PIK3CA: variants seen among roughly 807,000 people sequenced by gnomAD.
PIK3CA encodes the protein phosphatidylinositol-4,5-bisphosphate 3-kinase catalytic subunit alpha.
A neutral mutation model predicts 138.2 loss-of-function variants in PIK3CA; 27 were observed. That is an observed-to-expected ratio of 0.20 (90% CI 0.14 to 0.27). The LOEUF (loss-of-function observed/expected upper bound fraction) is 0.27, where lower values mean the gene tolerates loss of function less well. Among genes scored for constraint, PIK3CA ranks in the 10% least tolerant of loss-of-function variants. The pLI, the probability that PIK3CA is intolerant of heterozygous loss-of-function variation, is 1.00. For synonymous variants in PIK3CA, 358 were observed against 413.2 expected, an observed-to-expected ratio of 0.87 and a Z score of 1.62; for missense variants, 544 against 1,277.4, an observed-to-expected ratio of 0.43 and a Z score of 8.75.
At chr3:179,193,328 G>C (rs1408314526) in intron 1 of PIK3CA, among the ~76,000 whole-genome samples, 2 of 152,320 alleles carry the variant, frequency 1.3e-5, no homozygotes, top group East Asian at 3.9e-4. Context: ...CTTTTGGTCT[G>C]TTGGCCTTTA....
At position 179,234,605 on chromosome 3, in the gene PIK3CA, T is replaced by C; in HGVS notation, c.*241T>C. ...TAGAATAATGCGCAATTTCATGTTATGCCTTAAGTCCAAAAAGGTAAACTT... is the reference window on the plus strand; with the variant it reads ...TAGAATAATGCGCAATTTCATGTTACGCCTTAAGTCCAAAAAGGTAAACTT... On this transcript the variant is annotated 3_prime_UTR_variant, in exon 21 of 21. Coordinates refer to ENST00000263967, the MANE Select transcript of PIK3CA (RefSeq NM_006218.4). The surrounding 1 kb of genome is among the most constrained non-coding windows in gnomAD (Gnocchi z 5.1). The C allele has an allele frequency of 2.9e-6, 1 of 343,664 alleles. No individual in the cohort carries two copies. 21.3% of individuals were successfully genotyped at this position (343,664 alleles called of 1,614,324 possible). A position where few individuals can be genotyped will look rare whatever the true frequency, so the allele number is the denominator to read the frequency against.
intron 10 of PIK3CA, among the ~76,000 whole-genome samples, chr3:179,218,578 TG>T (rs1390416013): frequency 6.6e-6 from 1 of 152,070 alleles, no homozygotes; most frequent in Non-Finnish European, 1.5e-5. Context: ...ATTCCTGATA[TG>T]ACTTTCTTTA....
intron 1 of PIK3CA, among the ~76,000 whole-genome samples, chr3:179,153,761 GA>G (rs1723067036): frequency 6.6e-6 from 1 of 152,074 alleles, no homozygotes; most frequent in Admixed American, 6.5e-5. Context: ...AAGTTTATGT[GA>G]AAGTGAATTT....
intron 10 of PIK3CA, among the ~76,000 whole-genome samples, chr3:179,218,856 A>G (rs1724901934): frequency 1.3e-5 from 2 of 152,040 alleles, no homozygotes; most frequent in Admixed American, 1.3e-4. Context: ...TGGTGACTCT[A>G]TGATTCATTC....
intron 2 of PIK3CA, 75 bp downstream of exon 2, chr3:179,199,252 G>C: frequency 1.1e-6 from 1 of 948,972 alleles, no homozygotes; most frequent in Non-Finnish European, 1.6e-6. Flanking sequence ...AAATATTTCT[G>C]TCTAAACCAA....
intron 1 of PIK3CA, among the ~76,000 whole-genome samples, chr3:179,171,864 G>A (rs917753552): frequency 1.3e-5 from 2 of 151,956 alleles, no homozygotes; most frequent in Non-Finnish European, 2.9e-5. Flanking sequence ...GGAGGGAGGA[G>A]AGCATCACAA....
intron 17 of PIK3CA, among the ~76,000 whole-genome samples, chr3:179,227,192 A>C (rs1560148185): frequency 6.6e-6 from 1 of 152,076 alleles, no homozygotes; most frequent in Non-Finnish European, 1.5e-5. Flanking sequence ...TATAAGTAAA[A>C]ATTTTATTTC....
chr3:179,160,122 C>G (rs1723238565), intron 1 of PIK3CA, among the ~76,000 whole-genome samples: 1 of 152,070 alleles, frequency 6.6e-6, no homozygotes, highest in African/African-American at 2.4e-5. Context: ...TTAGGCTACA[C>G]TAGATTTTTT....
At chr3:179,151,763 A>T (rs886206454) in intron 1 of PIK3CA, among the ~76,000 whole-genome samples, 3 of 152,122 alleles carry the variant, frequency 2.0e-5, no homozygotes, top group African/African-American at 7.2e-5. Flanking sequence ...ACTTCCTGAG[A>T]CATTTGAACA....
intron 20 of PIK3CA, among the ~76,000 whole-genome samples, chr3:179,232,859 T>TA (rs1725244354): frequency 6.6e-6 from 1 of 151,736 alleles, no homozygotes; most frequent in African/African-American, 2.4e-5. Context: ...CTAGGAGTCT[T>TA]TTTTTTTATC....
At chr3:179,182,533 G>A (rs750666052) in intron 1 of PIK3CA, among the ~76,000 whole-genome samples, 1 of 152,064 alleles carries the variant, frequency 6.6e-6, no homozygotes, top group African/African-American at 2.4e-5. Flanking sequence ...GGGCATGGTA[G>A]CACACACAGG....
At chr3:179,154,857 TATA>T (rs1383025516) in intron 1 of PIK3CA, among the ~76,000 whole-genome samples, 2 of 152,242 alleles carry the variant, frequency 1.3e-5, no homozygotes, top group Admixed American at 1.3e-4. Flanking sequence ...TGTACTCATT[TATA>T]AGAGGTTGTG....
In PIK3CA at chr3:179,219,395, A is replaced by G. The variant is rs1724914746; in HGVS notation, c.1746+118A>G. 2.7e-6 allele frequency: 2 copies of G among 730,970 alleles called. No homozygotes were observed. Among genetic ancestry groups the G allele is most frequent in the South Asian group, 3.9e-5 (2 of 51,414 alleles). 45.3% of individuals were successfully genotyped at this position (730,970 alleles called of 1,614,324 possible). A position where few individuals can be genotyped will look rare whatever the true frequency, so the allele number is the denominator to read the frequency against. ...AAATAGACTAATAGTAATATAGTGT[A>G]GAAAAAAACACCCTTAACATTATTT... is the stretch of plus-strand genomic sequence containing the variant. On this transcript the variant is annotated intron_variant, in intron 11 of 20. Coordinates refer to ENST00000263967, the MANE Select transcript of PIK3CA (RefSeq NM_006218.4). This position sits in a 1 kb window ranked among gnomAD's most constrained non-coding sequence, Gnocchi z 4.2.
At chr3:179,210,711 T>G in intron 9 of PIK3CA, 146 bp downstream of exon 9, 1 of 725,234 alleles carries the variant, frequency 1.4e-6, no homozygotes, top group Non-Finnish European at 2.2e-6. Context: ...TTAAGTTCTC[T>G]ATATGCTAAT....
At chr3:179,151,943 C>T (rs562931051) in intron 1 of PIK3CA, among the ~76,000 whole-genome samples, 43 of 152,284 alleles carry the variant, frequency 2.8e-4, no homozygotes, top group African/African-American at 1.0e-3. Flanking sequence ...TGTCCATATC[C>T]TCTACCAGGC....
At chr3:179,170,391 A>G (rs186919052) in intron 1 of PIK3CA, among the ~76,000 whole-genome samples, 1 of 152,342 alleles carries the variant, frequency 6.6e-6, no homozygotes, top group East Asian at 1.9e-4. Context: ...AGTGAATTCT[A>G]GTGGGGGACA....
intron 1 of PIK3CA, among the ~76,000 whole-genome samples, chr3:179,188,457 A>G (rs1488060401): frequency 6.6e-6 from 1 of 152,208 alleles, no homozygotes; most frequent in Non-Finnish European, 1.5e-5. Context: ...AAATGTTAGT[A>G]TATTTTTTTC....
chr3:179,202,961 G>A (rs2699894), intron 4 of PIK3CA, among the ~76,000 whole-genome samples: 1 of 109,678 alleles, frequency 9.1e-6, no homozygotes, highest in Non-Finnish European at 1.8e-5. Context: ...TTTTTTTTGA[G>A]ACGGAGTCTT....
chr3:179,213,837 G>A (rs540316861), intron 9 of PIK3CA, among the ~76,000 whole-genome samples: 1 of 152,320 alleles, frequency 6.6e-6, no homozygotes, highest in Non-Finnish European at 1.5e-5. Context: ...AAAATCTGTT[G>A]CTTAGTGTAG....
Sources: gnomAD v4.1 joint callset for allele counts (sites outside exome capture counted in the v4.1 genomes callset) on GRCh38, gnomAD v4.1.1 for gene constraint, Gnocchi (gnomAD v3.1) non-coding constraint, MANE v1.5 for transcripts, NCBI Gene and HGNC (gene_info 2026-07-23, HGNC 2026-07-21) for gene names.